Variants in MANBA observed in about 807,000 individuals in gnomAD.
The protein encoded by MANBA is beta-mannosidase.
Under a neutral mutation model 111.1 loss-of-function variants are expected in MANBA, and 83 were observed. That is an observed-to-expected ratio of 0.75 (90% confidence interval 0.63 to 0.90). The LOEUF is 0.90. Ranked by LOEUF, MANBA falls within the 40% of genes least tolerant of loss-of-function variation. The pLI is 0.00. For synonymous variants in MANBA, 370 were observed against 378.7 expected (o/e 0.98, Z 0.27); for missense variants, 1,036 against 1,069.0 (o/e 0.97, Z 0.43).
At chr4:102,752,680 A>T in intron 1 of MANBA, 2 of 503,804 alleles carry the variant, frequency 4.0e-6, no homozygotes, top group Non-Finnish European at 8.0e-6. Context: ...TCTTTATACA[A>T]ATGAACTTGG....
intron 1 of MANBA, among the ~76,000 whole-genome samples, chr4:102,754,701 T>C (rs1723940444): frequency 6.6e-6 from 1 of 151,878 alleles, no homozygotes; most frequent in Non-Finnish European, 1.5e-5. Flanking sequence ...GGACTACAGG[T>C]GCTGGCCACC....
chr4:102,663,797 A>C (rs1731077038), intron 11 of MANBA, among the ~76,000 whole-genome samples: 1 of 152,242 alleles, frequency 6.6e-6, no homozygotes, highest in South Asian at 2.1e-4. Flanking sequence ...GTTTTTCAAA[A>C]GTTAAAACTT....
chr4:102,632,372 T>A, intron 16 of MANBA, 91 bp from the exon 17 acceptor site: 1 of 1,046,572 alleles, frequency 9.6e-7, no homozygotes. Context: ...TATGTGGGCT[T>A]AACAAGGAGT....
intron 5 of MANBA, among the ~76,000 whole-genome samples, chr4:102,704,378 C>T (rs1401069158): frequency 6.6e-6 from 1 of 152,112 alleles, no homozygotes; most frequent in Non-Finnish European, 1.5e-5. Flanking sequence ...AATGTCTGCT[C>T]AGGCTGGTTC....
intron 1 of MANBA, among the ~76,000 whole-genome samples, chr4:102,752,898 T>C (rs1257927824): frequency 3.3e-5 from 5 of 152,240 alleles, no homozygotes; most frequent in Non-Finnish European, 7.3e-5. Context: ...TTACAGTTTA[T>C]AGTTAATTAA....
At chr4:102,730,104 TG>T in intron 1 of MANBA, 1 of 1,087,434 alleles carries the variant, frequency 9.2e-7, no homozygotes, top group Non-Finnish European at 1.3e-6. Context: ...TGTGTAGGAG[TG>T]GCTGCTGAAG....
At chr4:102,754,707 C>T (rs866128603) in intron 1 of MANBA, among the ~76,000 whole-genome samples, 1 of 151,972 alleles carries the variant, frequency 6.6e-6, no homozygotes, top group Non-Finnish European at 1.5e-5. Context: ...CAGGTGCTGG[C>T]CACCACGCCG....
intron 1 of MANBA, chr4:102,734,233 T>C (rs1304677912): frequency 1.1e-6 from 1 of 889,196 alleles, no homozygotes; most frequent in Non-Finnish European, 1.7e-6. Context: ...CCCTCTGTAC[T>C]TTCTGTTCAA....
chr4:102,729,153 G>A, intron 1 of MANBA: 3 of 725,848 alleles, frequency 4.1e-6, no homozygotes, highest in South Asian at 1.4e-5. Context: ...AGCCCCCTGT[G>A]CTGCAGACAT....
chr4:102,662,039 G>A (rs413967), intron 11 of MANBA, among the ~76,000 whole-genome samples: 65,563 of 151,626 alleles, frequency 0.43, 14,570 homozygotes, highest in South Asian at 0.53. Flanking sequence ...CCCATGGCTC[G>A]TTTTAAGATA....
chr4:102,744,166 C>A (rs536775941), intron 1 of MANBA, among the ~76,000 whole-genome samples: 2 of 152,310 alleles, frequency 1.3e-5, no homozygotes, highest in Non-Finnish European at 2.9e-5. Flanking sequence ...GCCCACAGGA[C>A]GTTGTGCCTC....
intron 1 of MANBA, chr4:102,729,174 G>T: frequency 1.4e-6 from 1 of 721,664 alleles, no homozygotes; most frequent in Non-Finnish European, 2.6e-6. Context: ...CTGTGATGGT[G>T]CCCTCCAGGG....
In MANBA at chr4:102,722,961, C is replaced by T; in HGVS notation, c.459G>A (p.Gln153=). The change falls in exon 4 of 17, where the codon CAG becomes CAA. Residue 153 remains glutamine (Q), a synonymous_variant. Transcript: ENST00000647097. ...GGTAGCGAGTGTGAGCTTTGCTCTG[C>T]TGTGCTGCATACAACACCGCTGACT... ...RFQSAVLYAA[Q]QSKAHTRYQV... The T allele has an allele frequency of 1.2e-6, 2 of 1,614,122 alleles. No individual in the cohort carries two copies. Among genetic ancestry groups the T allele is most frequent in the East Asian group, 2.2e-5 (1 of 44,890 alleles).
At chr4:102,653,260 ACACAC>A (rs1730421637) in intron 12 of MANBA, among the ~76,000 whole-genome samples, 8 of 116,898 alleles carry the variant, frequency 6.8e-5, no homozygotes, top group African/African-American at 2.5e-4. Context: ...ACACACACAC[ACACAC>A]AAGGTATTTA....
chr4:102,702,131 C>T (rs1371682619), intron 5 of MANBA, among the ~76,000 whole-genome samples: 3 of 151,908 alleles, frequency 2.0e-5, no homozygotes, highest in Non-Finnish European at 4.4e-5. Flanking sequence ...CACTGATACC[C>T]TTTCTTCCAG....
intron 13 of MANBA, among the ~76,000 whole-genome samples, chr4:102,649,518 C>T (rs1264418083): frequency 6.6e-6 from 1 of 152,114 alleles, no homozygotes; most frequent in African/African-American, 2.4e-5. Flanking sequence ...AGATTGGGCA[C>T]ATTTTCAGAT....
chr4:102,637,417 G>A (rs1729679954), intron 14 of MANBA, among the ~76,000 whole-genome samples: 1 of 152,166 alleles, frequency 6.6e-6, no homozygotes, highest in African/African-American at 2.4e-5. Context: ...CTCATACCCT[G>A]GAGGAGGAAA....
At chr4:102,721,628 A>G (rs1722576839) in intron 4 of MANBA, among the ~76,000 whole-genome samples, 1 of 152,246 alleles carries the variant, frequency 6.6e-6, no homozygotes, top group Admixed American at 6.5e-5. Context: ...TACAACATGG[A>G]TGAATCATGA....
rs77795718 is a variant in MANBA, at chr4:102,647,852, G to A, written c.1869+2685C>T. 8.2e-3 allele frequency among the ~76,000 whole-genome samples: 1,253 copies of A among 152,168 alleles called. 17 individuals are homozygous for A. Among genetic ancestry groups the A allele is most frequent in the East Asian group, 0.051 (267 of 5,190 alleles). On this transcript the variant is annotated intron_variant, in intron 13 of 16. Transcript: ENST00000647097. The stretch of plus-strand genomic sequence containing the variant: ...AGTTTTCTGCTTTAGTTTCTATCAT[G>A]GGGTTTGTGTTTTCATACAGGAGAA...
Sources: gnomAD v4.1 joint callset for allele counts (sites outside exome capture counted in the v4.1 genomes callset) on GRCh38, gnomAD v4.1.1 for gene constraint, MANE v1.5 for transcripts, NCBI Gene and HGNC (gene_info 2026-07-23, HGNC 2026-07-21) for gene names.